The following LRP2 variants were observed in gnomAD, a reference collection of about 807,000 sequenced individuals.
The protein encoded by LRP2 is LDL receptor related protein 2.
LRP2 carries 172 observed loss-of-function variants against 531.0 expected under a neutral mutation model. The ratio of observed to expected loss-of-function variants is 0.32; its 90% CI spans 0.29 to 0.37. The LOEUF is 0.37. Ranked by LOEUF, LRP2 falls within the 10% of genes least tolerant of loss-of-function variation. LRP2 has a pLI of 1.00. For synonymous variants in LRP2, 1,992 were observed against 2,027.6 expected (o/e 0.98, Z 0.47); for missense variants, 5,167 against 5,868.3 (o/e 0.88, Z 3.90).
At chr2:169,261,766 C>G (rs901729485) in intron 16 of LRP2, among the ~76,000 whole-genome samples, 1 of 152,076 alleles carries the variant, frequency 6.6e-6, no homozygotes, top group African/African-American at 2.4e-5. Context: ...CATCCTGATA[C>G]CAAAGCCAGG....
At chr2:169,256,003 G>T in intron 19 of LRP2, 103 bp downstream of exon 19, 1 of 1,269,032 alleles carries the variant, frequency 7.9e-7, no homozygotes, top group Non-Finnish European at 1.1e-6. Context: ...TTTTAAAGTG[G>T]CCAGCTTTTC....
intron 62 of LRP2, 87 bp downstream of exon 62, chr2:169,165,845 C>T (rs1686761627): frequency 7.2e-6 from 11 of 1,533,884 alleles, no homozygotes; most frequent in Admixed American, 1.7e-5. Flanking sequence ...CTCTATAGAA[C>T]AAACTGAAAT....
rs753407838 is a variant in LRP2, at chr2:169,289,009, C to T, written c.1042+17G>A. 76 of 1,613,548 alleles carry T rather than the reference C, an allele frequency of 4.7e-5. No individual in the cohort carries two copies. Among genetic ancestry groups the T allele is most frequent in the East Asian group, 1.3e-4 (6 of 44,862 alleles). ...ACTGTAATGAAAGACAAGTAGCCGC[C>T]GCCCCCCATCACTTACCAACACAGG... On this transcript the variant is annotated intron_variant, in intron 9 of 78. Transcript: ENST00000649046.
chr2:169,171,941 A>G (rs970897237), intron 58 of LRP2, 74 bp downstream of exon 58: 6 of 1,577,904 alleles, frequency 3.8e-6, no homozygotes, highest in Admixed American at 1.7e-5. Flanking sequence ...TGACATAGAC[A>G]GTTGAATTAT....
intron 63 of LRP2, among the ~76,000 whole-genome samples, chr2:169,158,736 A>C (rs957218461): frequency 6.6e-6 from 1 of 151,518 alleles, no homozygotes; most frequent in Non-Finnish European, 1.5e-5. Flanking sequence ...TCTTACATAT[A>C]CATATGCAAA....
At chr2:169,348,536 G>A (rs974497763) in intron 1 of LRP2, among the ~76,000 whole-genome samples, 4 of 152,126 alleles carry the variant, frequency 2.6e-5, no homozygotes, top group Non-Finnish European at 5.9e-5. Flanking sequence ...TTTGATCAAG[G>A]CTGTTTTCAC....
chr2:169,358,359 A>G (rs1686048321), intron 1 of LRP2, among the ~76,000 whole-genome samples: 1 of 152,174 alleles, frequency 6.6e-6, no homozygotes, highest in Non-Finnish European at 1.5e-5. Flanking sequence ...TCTGTAAGAA[A>G]AAAAAAATGC....
Position 169,226,529 on chromosome 2 carries a change from G to A in LRP2, c.5287C>T (p.Pro1763Ser), listed in dbSNP as rs1559027696. 1 of 1,612,958 alleles carries A rather than the reference G, an allele frequency of 6.2e-7. No homozygotes were observed. The change falls in exon 32 of 79, where the codon CCT (proline) becomes TCT (serine). Residue 1763 changes from proline to serine, a missense_variant. Pro to Ser is a moderately conservative substitution (Grantham distance 74). Around this residue, in one of 6 missense-constraint regions of LRP2, gnomAD observed 2,811 missense variants for 3,058.0 expected, o/e 0.92. Coordinates refer to ENST00000649046, the MANE Select transcript of LRP2 (RefSeq NM_004525.3). ...QHIIFGISLNPEVKSNDAMVP... is the reference protein window; with the variant it reads ...QHIIFGISLNSEVKSNDAMVP... Reference sequence around the variant, plus strand: ...ATAGCATCATTGCTCTTCACCTCAGGATTAAGGGAGATTCCAAAAATTATA... The same window carrying A: ...ATAGCATCATTGCTCTTCACCTCAGAATTAAGGGAGATTCCAAAAATTATA...
rs1423518260 is a variant in LRP2 at position 169,246,733 on chromosome 2, G to C, written c.3162C>G (p.Asn1054Lys). 1 of 1,613,988 alleles carries C rather than the reference G, an allele frequency of 6.2e-7. No homozygotes were observed. The highest frequency in any genetic ancestry group is 2.2e-5 in the East Asian group (1 of 44,874). Reference sequence around the variant, plus strand: ...GTGTGCCACATAGTTGCTCATCACTGTTATCATGACAATCATCGACTCCAT... The same window carrying C: ...GTGTGCCACATAGTTGCTCATCACTCTTATCATGACAATCATCGACTCCAT... ...LCDGVDDCHDNSDEQLCGTLN... is the reference protein window; with the variant it reads ...LCDGVDDCHDKSDEQLCGTLN... Residue 1054 changes from asparagine (N) to lysine (K), a missense_variant, in exon 21 of 79, where the codon AAC becomes AAG. Coordinates refer to ENST00000649046, the MANE Select transcript of LRP2 (RefSeq NM_004525.3).
Position 169,231,888 on chromosome 2 carries a change from C to T in LRP2, c.5099-46G>A, listed in dbSNP as rs964368790. ...AGCACCAGTAAGTGGAAAACCTCCACATTAAAATCAAAACAGAGTCATGCT... is the reference window on the plus strand; with the variant it reads ...AGCACCAGTAAGTGGAAAACCTCCATATTAAAATCAAAACAGAGTCATGCT... On this transcript the variant is annotated intron_variant, in intron 30 of 78. Coordinates refer to ENST00000649046, the MANE Select transcript of LRP2 (RefSeq NM_004525.3). 2.5e-6 allele frequency: 4 copies of T among 1,605,946 alleles called. No homozygotes were observed. The African/African-American group carries it at 5.4e-5, about 22-fold the overall frequency.
intron 62 of LRP2, 25 bp from the exon 63 acceptor site, chr2:169,162,625 T>A (rs1234973813): frequency 6.2e-7 from 1 of 1,613,530 alleles, no homozygotes; most frequent in South Asian, 1.1e-5. Context: ...CAAGTTAAAA[T>A]CAAAACTTTT....
intron 1 of LRP2, among the ~76,000 whole-genome samples, chr2:169,351,679 G>A (rs1323736412): frequency 6.6e-6 from 1 of 152,188 alleles, no homozygotes; most frequent in East Asian, 1.9e-4. Flanking sequence ...AGCAAGAGAG[G>A]CAATAGACAG....
At chr2:169,284,456 G>A (rs756341327) in intron 9 of LRP2, among the ~76,000 whole-genome samples, 11 of 151,184 alleles carry the variant, frequency 7.3e-5, no homozygotes, top group Admixed American at 4.6e-4. Context: ...TAGTAGAGAC[G>A]GCATTTCCCC....
Position 169,258,872 on chromosome 2 carries a change from T to C in LRP2, c.2513+153A>G, listed in dbSNP as rs144193618. On this transcript the variant is annotated intron_variant, in intron 17 of 78. Transcript: ENST00000649046. ...TTTACTCCCCCAGAATAAAGTTTTT[T>C]GGAGGAAAAAAGAAATAAAATTTAA... Among the ~76,000 whole-genome samples the C allele has an allele frequency of 7.1e-3, 1,082 of 152,176 alleles. 9 individuals are homozygous for C. Among genetic ancestry groups the C allele is most frequent in the Middle Eastern group, 0.065 (19 of 294 alleles).
chr2:169,347,378 C>T (rs1292524628), intron 1 of LRP2, among the ~76,000 whole-genome samples: 3 of 152,250 alleles, frequency 2.0e-5, no homozygotes, highest in East Asian at 1.9e-4. Context: ...CAGTGTTCTC[C>T]GGGAAGTAAA....
intron 76 of LRP2, among the ~76,000 whole-genome samples, chr2:169,135,378 A>T (rs1411950624): frequency 2.6e-5 from 4 of 152,164 alleles, no homozygotes; most frequent in Non-Finnish European, 4.4e-5. Flanking sequence ...ACACTTTCAC[A>T]GGATAGGAAG....
chr2:169,271,213 T>C (rs1683405520), intron 15 of LRP2, 106 bp from the exon 16 acceptor site: 1 of 714,458 alleles, frequency 1.4e-6, no homozygotes. Flanking sequence ...TTATAAAATA[T>C]AATTCTGAAA....
chr2:169,276,017 T>C (rs1234094925), intron 13 of LRP2, among the ~76,000 whole-genome samples: 1 of 151,888 alleles, frequency 6.6e-6, no homozygotes, highest in Admixed American at 6.6e-5. Flanking sequence ...TTTGGCGTAA[T>C]ACAAAGACCT....
chr2:169,292,438 C>G, intron 6 of LRP2, 69 bp from the exon 7 acceptor site: 2 of 985,450 alleles, frequency 2.0e-6, no homozygotes, highest in Non-Finnish European at 3.3e-6. Flanking sequence ...GCTCTCACCT[C>G]ACTGCCTAAG....
Sources: gnomAD v4.1 joint callset for allele counts (sites outside exome capture counted in the v4.1 genomes callset) on GRCh38, gnomAD v4.1.1 for gene constraint, gnomAD v4.1.1 regional missense constraint, MANE v1.5 for transcripts, NCBI Gene and HGNC (gene_info 2026-07-23, HGNC 2026-07-21) for gene names.